Variants in HSF2 observed in about 807,000 individuals in gnomAD.
HSF2 encodes heat shock factor protein 2.
A neutral mutation model predicts 65.0 loss-of-function variants in HSF2; 21 were observed. The ratio of observed to expected loss-of-function variants is 0.32; its 90% CI spans 0.23 to 0.47. The LOEUF is 0.47. HSF2 is among the 20% of genes least tolerant of loss of function. The pLI, the probability that HSF2 is intolerant of heterozygous loss-of-function variation, is 1.00. For missense variants in HSF2, 499 were observed against 628.1 expected (o/e 0.79, Z 2.20); for synonymous variants, 225 against 219.1 (o/e 1.03, Z -0.24).
At chr6:122,430,605 T>G (rs1172965704) in intron 11 of HSF2, among the ~76,000 whole-genome samples, 1 of 152,090 alleles carries the variant, frequency 6.6e-6, no homozygotes, top group African/African-American at 2.4e-5. Context: ...ATCCTAAAAC[T>G]TACACAGCTT....
Position 122,422,777 on chromosome 6 carries a change from C to T in HSF2, c.890C>T (p.Pro297Leu), listed in dbSNP as rs1774266125. 1 of 1,613,042 alleles carries T rather than the reference C, an allele frequency of 6.2e-7. No individual in the cohort carries two copies. Among genetic ancestry groups the T allele is most frequent in the South Asian group, 1.1e-5 (1 of 91,060 alleles). The change falls in exon 9 of 13, where the codon CCT becomes CTT. Residue 297 changes from proline (P) to leucine (L), a missense_variant. This residue lies in a region of HSF2 where 349 missense variants were observed against 393.5 expected (regional missense o/e 0.89). Transcript: ENST00000368455. ...VEDDNEDEYAPVIQSGEQNEP... is the reference protein window; with the variant it reads ...VEDDNEDEYALVIQSGEQNEP... ...GATGACAATGAAGATGAGTATGCAC[C>T]TGTCATTCAGAGTGGAGAGCAGAAT...
chr6:122,431,372 T>G, intron 11 of HSF2, 58 bp from the exon 12 acceptor site: 1 of 831,364 alleles, frequency 1.2e-6, no homozygotes. Flanking sequence ...AATTTTTCAT[T>G]TTTTTCAGAA....
chr6:122,413,923 A>G (rs916504400), intron 4 of HSF2, among the ~76,000 whole-genome samples: 3 of 152,186 alleles, frequency 2.0e-5, no homozygotes, highest in African/African-American at 4.8e-5. Context: ...AGCAATAAAC[A>G]GTAGGTCTTT....
intron 10 of HSF2, among the ~76,000 whole-genome samples, chr6:122,424,655 T>C (rs1774303109): frequency 6.6e-6 from 1 of 152,146 alleles, no homozygotes; most frequent in Non-Finnish European, 1.5e-5. Flanking sequence ...TTTTGACCTG[T>C]GTTTCTATCT....
chr6:122,427,864 A>AT, intron 10 of HSF2, 39 bp from the exon 11 acceptor site: 3 of 1,496,348 alleles, frequency 2.0e-6, no homozygotes, highest in Non-Finnish European at 2.8e-6. Flanking sequence ...ATTTTTAATT[A>AT]TTTTTTAAAC....
At position 122,423,667 on chromosome 6, in the gene HSF2, A is replaced by G. The variant is rs752261150; in HGVS notation, c.1157A>G (p.Asp386Gly). 3 of 1,602,464 alleles carry G rather than the reference A, an allele frequency of 1.9e-6. No individual in the cohort carries two copies. The highest frequency in any genetic ancestry group is 2.6e-6 in the Non-Finnish European group (3 of 1,171,430). Residue 386 changes from aspartate to glycine, a missense_variant, in exon 10 of 13, where the codon GAC becomes GGC. Transcript: ENST00000368455. The stretch of plus-strand genomic sequence containing the variant: ...CTATCAGGAAGACAATTTAGCATAG[A>G]CCCAGATCTCCTGGTTGATGTAGGT... ...AMLSGRQFSI[D>G]PDLLVDLFTS...
intron 1 of HSF2, among the ~76,000 whole-genome samples, chr6:122,411,377 T>G (rs914714679): frequency 2.6e-5 from 4 of 152,002 alleles, no homozygotes; most frequent in Non-Finnish European, 5.9e-5. Flanking sequence ...ACTCCTGAGG[T>G]ATATGATTTG....
At position 122,413,577 on chromosome 6, in the gene HSF2, A is replaced by G. The variant is rs1582611200; in HGVS notation, c.383A>G (p.Lys128Arg). The part of the protein sequence containing the change: ...ENKIRQEDLT[K>R]IISSAQKVQI... ...AAAATTCGTCAGGAAGATTTAACAA[A>G]AATTATAAGTAGTGCTCAGAAGGTT... The change falls in exon 4 of 13, where the codon AAA becomes AGA. Residue 128 changes from lysine (K) to arginine (R), a missense_variant. Physicochemically the swap from Lys to Arg is conservative, Grantham distance 26. Coordinates refer to ENST00000368455, the MANE Select transcript of HSF2 (RefSeq NM_004506.4). The G allele has an allele frequency of 1.3e-6, 2 of 1,598,312 alleles. No homozygotes were observed. The highest frequency in any genetic ancestry group is 2.2e-5 in the East Asian group (1 of 44,722).
At chr6:122,419,435 A>G (rs769813453) in intron 6 of HSF2, among the ~76,000 whole-genome samples, 5 of 152,198 alleles carry the variant, frequency 3.3e-5, no homozygotes, top group Non-Finnish European at 7.3e-5. Flanking sequence ...AGATAAGGGT[A>G]GCCTAAATGG....
At chr6:122,405,826 G>T (rs1252869820) in intron 1 of HSF2, among the ~76,000 whole-genome samples, 1 of 152,120 alleles carries the variant, frequency 6.6e-6, no homozygotes, top group Non-Finnish European at 1.5e-5. Context: ...TTTACTATTT[G>T]TCCCTTTAAG....
At chr6:122,410,071 CTG>C (rs1247777551) in intron 1 of HSF2, among the ~76,000 whole-genome samples, 1 of 151,878 alleles carries the variant, frequency 6.6e-6, no homozygotes, top group African/African-American at 2.4e-5. Flanking sequence ...ATTTTATAAT[CTG>C]TATTGGGTAG....
chr6:122,414,031 CTTTG>C (rs1276268161), intron 4 of HSF2, among the ~76,000 whole-genome samples: 2 of 151,986 alleles, frequency 1.3e-5, no homozygotes, highest in Non-Finnish European at 2.9e-5. Context: ...GTTACCCATC[CTTTG>C]TTTAATGGCT....
intron 1 of HSF2, among the ~76,000 whole-genome samples, chr6:122,411,777 A>G (rs941719710): frequency 6.6e-6 from 1 of 151,766 alleles, no homozygotes; most frequent in Non-Finnish European, 1.5e-5. Flanking sequence ...ATTGATCTAT[A>G]TGTTTGTCAG....
intron 1 of HSF2, among the ~76,000 whole-genome samples, chr6:122,406,644 G>A (rs991932045): frequency 6.6e-6 from 1 of 152,192 alleles, no homozygotes; most frequent in Admixed American, 6.5e-5. Context: ...AATTGGCTAT[G>A]GTTGGAGGAA....
chr6:122,400,135 G>A (rs1773692016), intron 1 of HSF2, among the ~76,000 whole-genome samples: 2 of 152,310 alleles, frequency 1.3e-5, no homozygotes, highest in Non-Finnish European at 2.9e-5. Flanking sequence ...GCGTCGCGAG[G>A]GGAATCGGCG....
At chr6:122,404,690 C>T (rs1285903486) in intron 1 of HSF2, among the ~76,000 whole-genome samples, 1 of 152,188 alleles carries the variant, frequency 6.6e-6, no homozygotes, top group Non-Finnish European at 1.5e-5. Context: ...TCTTTCCCAC[C>T]TCACTCAGTA....
chr6:122,408,254 G>T (rs1201879512), intron 1 of HSF2, among the ~76,000 whole-genome samples: 1 of 151,644 alleles, frequency 6.6e-6, no homozygotes, highest in Admixed American at 6.6e-5. Flanking sequence ...AAGTCTTTTG[G>T]TAGGGTAATC....
Position 122,413,610 on chromosome 6 carries a change from A to G in HSF2, c.416A>G (p.Lys139Arg). Residue 139 changes from lysine to arginine, a missense_variant, in exon 4 of 13, where the codon AAA becomes AGA. This residue lies in a region of HSF2 where 150 missense variants were observed against 234.6 expected (regional missense o/e 0.64). Transcript: ENST00000368455. ...IISSAQKVQI[K>R]QETIESRLSE... ...AGTAGTGCTCAGAAGGTTCAGATAA[A>G]ACAGGAAACTATTGAGTCCAGGCTT... 1 of 1,606,054 alleles carries G rather than the reference A, an allele frequency of 6.2e-7. No homozygotes were observed. The highest frequency in any genetic ancestry group is 8.5e-7 in the Non-Finnish European group (1 of 1,173,306).
chr6:122,417,835 A>T (rs1026043343), intron 5 of HSF2, among the ~76,000 whole-genome samples: 2 of 152,200 alleles, frequency 1.3e-5, no homozygotes, highest in Non-Finnish European at 2.9e-5. Flanking sequence ...ACTGAAGTCG[A>T]ATTGTATCAT....
Sources: gnomAD v4.1 joint callset for allele counts (sites outside exome capture counted in the v4.1 genomes callset) on GRCh38, gnomAD v4.1.1 for gene constraint, gnomAD v4.1.1 regional missense constraint, MANE v1.5 for transcripts, NCBI Gene and HGNC (gene_info 2026-07-23, HGNC 2026-07-21) for gene names.